The following RGS6 variants were observed in gnomAD, a reference collection of about 807,000 sequenced individuals.
RGS6 encodes regulator of G-protein signaling 6.
Under a neutral mutation model 78.5 loss-of-function variants are expected in RGS6, and 30 were observed. That is an observed-to-expected ratio of 0.38 (90% CI 0.29 to 0.52). The LOEUF (loss-of-function observed/expected upper bound fraction) is 0.52. Among genes scored for constraint, RGS6 ranks in the 20% least tolerant of loss-of-function variants. The pLI is 0.85. For synonymous variants in RGS6, 206 were observed against 206.0 expected, an observed-to-expected ratio of 1.00 and a Z score of 0.00; for missense variants, 495 against 609.7, an observed-to-expected ratio of 0.81 and a Z score of 1.98.
chr14:72,620,107 C>G, the RGS6 span: 2 of 962,900 alleles, frequency 2.1e-6, no homozygotes, highest in Non-Finnish European at 2.9e-6. Flanking sequence ...TTTCCAGGCC[C>G]CACTTGGAGT....
chr14:72,316,049 T>G (rs2070100344), intron 2 of RGS6, among the ~76,000 whole-genome samples: 1 of 152,220 alleles, frequency 6.6e-6, no homozygotes, highest in Non-Finnish European at 1.5e-5. Context: ...TCTCCCCAAG[T>G]AGGTAAAGCT....
chr14:71,949,337 T>C (rs1383032221), intron 1 of RGS6, among the ~76,000 whole-genome samples: 1 of 152,214 alleles, frequency 6.6e-6, no homozygotes, highest in Non-Finnish European at 1.5e-5. Context: ...CTTGAGATTG[T>C]TAAATGTTTG....
At chr14:71,896,575 A>G in the RGS6 span, among the ~76,000 whole-genome samples, 2 of 152,160 alleles carry the variant, frequency 1.3e-5, no homozygotes, top group Non-Finnish European at 2.9e-5. Flanking sequence ...GTGACTTAGA[A>G]TGCCTTAGCT....
intron 2 of RGS6, among the ~76,000 whole-genome samples, chr14:72,186,947 A>G (rs2097256208): frequency 1.3e-5 from 2 of 152,222 alleles, no homozygotes; most frequent in South Asian, 4.1e-4. Context: ...GGCTGATGTA[A>G]TGATCACACA....
intron 2 of RGS6, among the ~76,000 whole-genome samples, chr14:72,182,626 C>T (rs1051114337): frequency 1.3e-5 from 2 of 151,974 alleles, no homozygotes; most frequent in South Asian, 4.1e-4. Context: ...CTGTCCATAC[C>T]GAAAGTCAAG....
the RGS6 span, among the ~76,000 whole-genome samples, chr14:72,625,962 G>A: frequency 2.6e-5 from 4 of 152,126 alleles, no homozygotes; most frequent in African/African-American, 9.7e-5. Flanking sequence ...AAATTAACTA[G>A]AGTACAGTAT....
At chr14:72,164,583 A>G in intron 2 of RGS6, among the ~76,000 whole-genome samples, 1 of 152,202 alleles carries the variant, frequency 6.6e-6, no homozygotes, top group South Asian at 2.1e-4. Context: ...TTTTATAATG[A>G]GGAAATGAAA....
At chr14:72,047,399 C>T (rs544826596) in intron 2 of RGS6, among the ~76,000 whole-genome samples, 1 of 152,312 alleles carries the variant, frequency 6.6e-6, no homozygotes, top group South Asian at 2.1e-4. Context: ...TATTATCCCC[C>T]TTTTCCCGTG....
chr14:72,009,155 G>T (rs929297565), intron 2 of RGS6, among the ~76,000 whole-genome samples: 2 of 152,162 alleles, frequency 1.3e-5, no homozygotes, highest in African/African-American at 4.8e-5. Context: ...GGGAGTTCAA[G>T]AACAACCTGG....
At chr14:72,475,800 C>A (rs118040220) in intron 10 of RGS6, among the ~76,000 whole-genome samples, 1 of 134,144 alleles carries the variant, frequency 7.5e-6, no homozygotes, top group East Asian at 2.1e-4. Flanking sequence ...AATTAGCTCT[C>A]TCTCATGTAT....
chr14:71,911,416 T>G, the RGS6 span, among the ~76,000 whole-genome samples: 1 of 152,238 alleles, frequency 6.6e-6, no homozygotes, highest in Non-Finnish European at 1.5e-5. Flanking sequence ...ACACAAGTAT[T>G]CTGTTTTTCA....
intron 2 of RGS6, among the ~76,000 whole-genome samples, chr14:72,202,611 C>G (rs1248378407): frequency 2.0e-5 from 3 of 152,110 alleles, no homozygotes; most frequent in African/African-American, 7.2e-5. Flanking sequence ...ACTTCCTCTC[C>G]CAGGAGAGTA....
At chr14:72,306,147 T>C (rs1014189837) in intron 2 of RGS6, among the ~76,000 whole-genome samples, 5 of 152,334 alleles carry the variant, frequency 3.3e-5, no homozygotes, top group South Asian at 4.1e-4. Context: ...CTACTCTGCC[T>C]GTGCCCTAAA....
intron 12 of RGS6, among the ~76,000 whole-genome samples, chr14:72,479,943 G>GTAT (rs1422303974): frequency 9.2e-5 from 14 of 152,290 alleles, no homozygotes; most frequent in Non-Finnish European, 1.8e-4. Flanking sequence ...TTGGAAGGTG[G>GTAT]AAGAGCTCTT....
At chr14:72,433,509 T>TA (rs906103473) in intron 3 of RGS6, among the ~76,000 whole-genome samples, 124 of 147,580 alleles carry the variant, frequency 8.4e-4, no homozygotes, top group Middle Eastern at 3.5e-3. Flanking sequence ...AAATAAAAAT[T>TA]AAAAAAAAAA....
At chr14:72,189,292 A>G (rs141829310) in intron 2 of RGS6, among the ~76,000 whole-genome samples, 33 of 152,266 alleles carry the variant, frequency 2.2e-4, no homozygotes, top group African/African-American at 7.0e-4. Flanking sequence ...CTTCCACAAA[A>G]CTTCTAGTAT....
At chr14:72,385,716 G>A (rs1380492499) in intron 3 of RGS6, among the ~76,000 whole-genome samples, 1 of 152,094 alleles carries the variant, frequency 6.6e-6, no homozygotes, top group Non-Finnish European at 1.5e-5. Context: ...GCCCCCATGG[G>A]GGACACTGTC....
At chr14:71,980,308 T>A (rs1301798631) in intron 2 of RGS6, among the ~76,000 whole-genome samples, 6 of 138,788 alleles carry the variant, frequency 4.3e-5, no homozygotes, top group Non-Finnish European at 7.8e-5. Context: ...GTCATTATGA[T>A]GTTAGCTGGT....
intron 14 of RGS6, among the ~76,000 whole-genome samples, chr14:72,512,036 T>G (rs554313333): frequency 6.6e-6 from 1 of 152,268 alleles, no homozygotes; most frequent in East Asian, 1.9e-4. Flanking sequence ...GGCCTCTCTG[T>G]GTAGCCAGCT....
Sources: allele counts gnomAD v4.1 joint callset (sites outside exome capture counted in the v4.1 genomes callset), GRCh38; gene constraint gnomAD v4.1.1; transcripts MANE v1.5; gene names NCBI Gene and HGNC (gene_info 2026-07-23, HGNC 2026-07-21).